XDH: variants seen among roughly 807,000 people sequenced by gnomAD.
XDH encodes xanthine dehydrogenase/oxidase.
XDH carries 138 observed loss-of-function variants against 156.1 expected under a neutral mutation model. The observed-to-expected ratio is 0.88, with a 90% CI of 0.77 to 1.02. The LOEUF (loss-of-function observed/expected upper bound fraction) is 1.02, where lower values mean the gene tolerates loss of function less well. XDH is among the 50% of genes least tolerant of loss of function. The pLI is 0.00. For missense variants in XDH, 1,849 were observed against 1,684.9 expected (o/e 1.10, Z -1.71); for synonymous variants, 669 against 625.7 (o/e 1.07, Z -1.03).
intron 30 of XDH, 120 bp from the exon 31 acceptor site, chr2:31,344,856 T>A: frequency 9.8e-7 from 1 of 1,020,266 alleles, no homozygotes; most frequent in Non-Finnish European, 1.5e-6. Context: ...TACTAGTGAC[T>A]CCCATTTCCA....
chr2:31,363,431 A>C (rs1685830351), intron 24 of XDH, among the ~76,000 whole-genome samples: 1 of 152,250 alleles, frequency 6.6e-6, no homozygotes, highest in Non-Finnish European at 1.5e-5. Flanking sequence ...TACAAGACGG[A>C]AAGTAGATTA....
At chr2:31,354,265 C>T (rs1490240192) in intron 24 of XDH, among the ~76,000 whole-genome samples, 1 of 152,108 alleles carries the variant, frequency 6.6e-6, no homozygotes, top group Non-Finnish European at 1.5e-5. Flanking sequence ...TCAGAAGGAG[C>T]CAATTAAAAT....
rs530688886 is a variant in XDH, at chr2:31,403,057, T to C, written c.188A>G (p.Asn63Ser). ...AGCAGGCAAAGGATACACGATCTTG[T>C]TCTGCAGACGATCATACTTGGAGAG... is the stretch of plus-strand genomic sequence containing the variant. Reference protein sequence around the residue: ...VMLSKYDRLQNKIVHFSANAC... With the variant: ...VMLSKYDRLQSKIVHFSANAC... The change falls in exon 3 of 36, where the codon AAC becomes AGC. Residue 63 changes from asparagine (N) to serine (S), a missense_variant. Asn to Ser is a conservative substitution (Grantham distance 46). Transcript: ENST00000379416. 2 of 1,614,138 alleles carry C rather than the reference T, an allele frequency of 1.2e-6. No individual in the cohort carries two copies. Among genetic ancestry groups the C allele is most frequent in the East Asian group, 2.2e-5 (1 of 44,862 alleles).
At chr2:31,342,564 A>G (rs1240699733) in intron 31 of XDH, among the ~76,000 whole-genome samples, 1 of 152,200 alleles carries the variant, frequency 6.6e-6, no homozygotes, top group Admixed American at 6.5e-5. Context: ...GTACCATGCT[A>G]GCCTCTGCAC....
intron 24 of XDH, among the ~76,000 whole-genome samples, 157 bp downstream of exon 24, chr2:31,364,001 T>C (rs1484216851): frequency 6.6e-6 from 1 of 152,142 alleles, no homozygotes; most frequent in Non-Finnish European, 1.5e-5. Context: ...CATTGTGCTA[T>C]AGAGATTAAT....
chr2:31,384,651 A>G (rs1432167185), intron 9 of XDH, among the ~76,000 whole-genome samples: 1 of 152,186 alleles, frequency 6.6e-6, no homozygotes, highest in East Asian at 1.9e-4. Flanking sequence ...AAGGTTAAAA[A>G]AGAAATACCT....
intron 12 of XDH, 103 bp from the exon 13 acceptor site, chr2:31,380,079 C>A: frequency 9.1e-7 from 1 of 1,100,956 alleles, no homozygotes; most frequent in Non-Finnish European, 1.4e-6. Context: ...TGCTGGTCTC[C>A]AATGCCCACA....
intron 2 of XDH, among the ~76,000 whole-genome samples, chr2:31,405,385 T>C (rs1224837310): frequency 6.6e-6 from 1 of 152,108 alleles, no homozygotes; most frequent in Non-Finnish European, 1.5e-5. Flanking sequence ...AGCACCCCAG[T>C]CTTTCTAAGG....
chr2:31,398,651 CA>C lies in XDH; in HGVS notation c.354del (p.Gly119AlafsTer4). 1 of 1,614,106 alleles carries C rather than the reference CA, an allele frequency of 6.2e-7. No homozygotes were observed. Among genetic ancestry groups the C allele is most frequent in the South Asian group, 1.1e-5 (1 of 91,074 alleles). On this transcript the variant is annotated frameshift_variant, in exon 5 of 36. Coordinates refer to ENST00000379416, the MANE Select transcript of XDH (RefSeq NM_000379.4). LOFTEE classifies it high-confidence loss of function. ...AGTGTGTACATACTCATGACGATGC[CA>C]GGGGTGCAGAACCCGCACTGGGAGC... ...SHGSQCGFCT[P>X]GIVMSMYTLL... is the part of the protein sequence containing the mutation.
In XDH at chr2:31,337,834, C is replaced by G. The variant is rs142654666; in HGVS notation, c.3775-17G>C. On this transcript the variant is annotated splice_polypyrimidine_tract_variant and intron_variant, in intron 34 of 35. Transcript: ENST00000379416. ...TCCAACAGCCTGAACACAGACAGGGCACAGGGCAGGGGCTCAGGCAGGTGG... is the reference window on the plus strand; with the variant it reads ...TCCAACAGCCTGAACACAGACAGGGGACAGGGCAGGGGCTCAGGCAGGTGG... The G allele has an allele frequency of 6.2e-7, 1 of 1,613,218 alleles. No homozygotes were observed. The highest frequency in any genetic ancestry group is 1.7e-5 in the Admixed American group (1 of 59,962).
intron 32 of XDH, among the ~76,000 whole-genome samples, chr2:31,341,844 T>G (rs1476614214): frequency 6.6e-6 from 1 of 152,156 alleles, no homozygotes; most frequent in Non-Finnish European, 1.5e-5. Context: ...AAGAAGAATA[T>G]TTTGTGACAA....
chr2:31,345,315 G>A (rs184758730), intron 30 of XDH, among the ~76,000 whole-genome samples: 91 of 152,142 alleles, frequency 6.0e-4, no homozygotes, highest in African/African-American at 2.0e-3. Context: ...AAAGCAACAC[G>A]CTATAGCGCT....
rs1486283990 is a variant in XDH at position 31,341,322 on chromosome 2, G to A, written c.3585+7C>T. 1.3e-6 allele frequency: 2 copies of A among 1,566,590 alleles called. No individual in the cohort carries two copies. The highest frequency in any genetic ancestry group is 3.7e-5 in the Admixed American group (2 of 53,872). Reference sequence around the variant, plus strand: ...TCTGTCACCACCCTGGTCCCACTGAGCCTCACCTGTCCAATATCAATGGCA... The same window carrying A: ...TCTGTCACCACCCTGGTCCCACTGAACCTCACCTGTCCAATATCAATGGCA... On this transcript the variant is annotated splice_region_variant and intron_variant, in intron 33 of 35. Coordinates refer to ENST00000379416, the MANE Select transcript of XDH (RefSeq NM_000379.4).
Position 31,401,345 on chromosome 2 carries a change from A to T in XDH, c.198-17T>A. On this transcript the variant is annotated splice_polypyrimidine_tract_variant and intron_variant, in intron 3 of 35. Transcript: ENST00000379416. Reference sequence around the variant, plus strand: ...GAAAAGTGGCTAGAACCCCAGATTAAGGTCATTCCATTTATTGTCCACTCA... The same window carrying T: ...GAAAAGTGGCTAGAACCCCAGATTATGGTCATTCCATTTATTGTCCACTCA... The T allele has an allele frequency of 1.2e-6, 2 of 1,613,492 alleles. No homozygotes were observed. Among genetic ancestry groups the T allele is most frequent in the Non-Finnish European group, 1.7e-6 (2 of 1,179,682 alleles).
chr2:31,358,480 A>G (rs906596380), intron 24 of XDH, among the ~76,000 whole-genome samples: 2 of 152,186 alleles, frequency 1.3e-5, no homozygotes, highest in African/African-American at 4.8e-5. Flanking sequence ...CTACAGAGCA[A>G]TATTTCTCAT....
At chr2:31,338,868 C>T (rs1216570626) in intron 34 of XDH, among the ~76,000 whole-genome samples, 2 of 151,540 alleles carry the variant, frequency 1.3e-5, no homozygotes, top group East Asian at 1.9e-4. Flanking sequence ...GGATTACAGG[C>T]ATGTCCCACC....
chr2:31,345,860 T>C (rs9308919), intron 30 of XDH, among the ~76,000 whole-genome samples: 115,972 of 152,148 alleles, frequency 0.76, 44,302 homozygotes, highest in East Asian at 0.85. Flanking sequence ...TGATAGAACA[T>C]TGTTGTCGGG....
At position 31,373,889 on chromosome 2, in the gene XDH, T is replaced by A. The variant is rs1686149564; in HGVS notation, c.1670A>T (p.Asp557Val). 2.5e-6 allele frequency: 4 copies of A among 1,613,714 alleles called. No homozygotes were observed. In the African/African-American group the frequency reaches 5.3e-5, roughly 22 times the overall value. The change falls in exon 16 of 36, where the codon GAT (aspartate) becomes GTT (valine). Residue 557 changes from aspartate (D) to valine (V), a missense_variant. By Grantham distance (152) the Asp-to-Val change is radical. Transcript: ENST00000379416. ...CGTACTCACTTGGAAGAGCTGGACA[T>A]CGGCTGGGGGGTCTTTCTGAAACAG... is the stretch of plus-strand genomic sequence containing the variant. ...TLLFQKDPPA[D>V]VQLFQEVPKG...
chr2:31,340,804 C>A (rs984228787), intron 33 of XDH, among the ~76,000 whole-genome samples: 3 of 152,114 alleles, frequency 2.0e-5, no homozygotes, highest in Admixed American at 6.5e-5. Context: ...ATCCCATATT[C>A]TCCTAAAGCG....
Sources: gnomAD v4.1 joint callset for allele counts (sites outside exome capture counted in the v4.1 genomes callset) on GRCh38, gnomAD v4.1.1 for gene constraint, MANE v1.5 for transcripts, NCBI Gene and HGNC (gene_info 2026-07-23, HGNC 2026-07-21) for gene names.